The following LRP2BP variants were observed in gnomAD, a reference collection of about 807,000 sequenced individuals.
LRP2BP encodes LRP2-binding protein.
Under a neutral mutation model 45.2 loss-of-function variants are expected in LRP2BP, and 38 were observed. That is an observed-to-expected ratio of 0.84 (90% confidence interval 0.65 to 1.10). The LOEUF (loss-of-function observed/expected upper bound fraction) is 1.10. LRP2BP is among the 50% of genes least tolerant of loss of function. LRP2BP has a pLI of 0.00. For missense variants in LRP2BP, 385 were observed against 418.9 expected, an observed-to-expected ratio of 0.92 and a Z score of 0.71; for synonymous variants, 153 against 153.9, an observed-to-expected ratio of 0.99 and a Z score of 0.04.
intron 8 of LRP2BP, among the ~76,000 whole-genome samples, chr4:185,369,406 G>C (rs1337244894): frequency 6.6e-6 from 1 of 151,562 alleles, no homozygotes; most frequent in African/African-American, 2.4e-5. Flanking sequence ...AGTAGAGACA[G>C]GATTATTTAG....
intron 8 of LRP2BP, chr4:185,370,282 A>C: frequency 5.6e-6 from 1 of 177,056 alleles, no homozygotes; most frequent in Non-Finnish European, 1.2e-5. Flanking sequence ...TCTGTACTAG[A>C]ATAAAAAACT....
rs200643281 is a variant in LRP2BP at position 185,367,185 on chromosome 4, T to C, written c.1039A>G (p.Ile347Val). ...TTGTTGAAATACATTGTGGTCTAAA[T>C]TCTTTGACGAATAAGTAAGGAGTGA... ...ELHSLLIRQR[I>V] Residue 347 changes from isoleucine to valine, a missense_variant, in exon 9 of 9, where the codon ATT becomes GTT. Transcript: ENST00000505916. 8 of 1,612,506 alleles carry C rather than the reference T, an allele frequency of 5.0e-6. No homozygotes were observed. The highest frequency in any genetic ancestry group is 1.7e-4 in the Middle Eastern group (1 of 6,060).
intron 1 of LRP2BP, among the ~76,000 whole-genome samples, chr4:185,392,729 T>C (rs1253729140): frequency 6.6e-6 from 1 of 152,222 alleles, no homozygotes; most frequent in Non-Finnish European, 1.5e-5. Context: ...ATTATTGCCA[T>C]AATATCATTA....
At chr4:185,388,562 T>G (rs1033466956) in intron 1 of LRP2BP, among the ~76,000 whole-genome samples, 2 of 147,392 alleles carry the variant, frequency 1.4e-5, no homozygotes, top group Non-Finnish European at 3.0e-5. Context: ...AAACACAGGT[T>G]CGGTAAGAAT....
chr4:185,376,253 T>C (rs572814218), intron 3 of LRP2BP, among the ~76,000 whole-genome samples: 2 of 152,116 alleles, frequency 1.3e-5, no homozygotes, highest in African/African-American at 2.4e-5. Context: ...CTTCAATTAT[T>C]ATTAATATGA....
chr4:185,394,262 GTT>G (rs2095495966), intron 1 of LRP2BP, among the ~76,000 whole-genome samples: 1 of 39,704 alleles, frequency 2.5e-5, no homozygotes. Flanking sequence ...GTGTTTCAGA[GTT>G]AAAAAAAAAA....
At position 185,365,272 on chromosome 4, in the gene LRP2BP, A is replaced by G. The variant is rs2095382827; in HGVS notation, c.*1908T>C. The G allele has an allele frequency of 6.6e-6, 1 of 152,146 alleles. No homozygotes were observed. The highest frequency in any genetic ancestry group is 2.1e-4 in the South Asian group (1 of 4,830). The allele number at this position is 152,146 out of a possible 1,614,324, so 9.4% of individuals were successfully genotyped here. A position where few individuals can be genotyped will look rare whatever the true frequency, so the allele number is the denominator to read the frequency against. Reference sequence around the variant, plus strand: ...TGTATGGCACACGTCAAAGTTTATGATTTCTGAAACCCATCTTTAATGGCA... The same window carrying G: ...TGTATGGCACACGTCAAAGTTTATGGTTTCTGAAACCCATCTTTAATGGCA... On this transcript the variant is annotated 3_prime_UTR_variant, in exon 9 of 9. Transcript: ENST00000505916.
chr4:185,373,928 C>T (rs551187634), intron 6 of LRP2BP, among the ~76,000 whole-genome samples: 3 of 152,240 alleles, frequency 2.0e-5, no homozygotes, highest in South Asian at 4.1e-4. Flanking sequence ...AAAATACTCT[C>T]ACATTCATGG....
At chr4:185,382,353 C>CA (rs1342091244) in intron 1 of LRP2BP, among the ~76,000 whole-genome samples, 4 of 152,170 alleles carry the variant, frequency 2.6e-5, no homozygotes, top group Admixed American at 6.5e-5. Context: ...TGTGAGGATA[C>CA]ATGTTTTCAA....
chr4:185,393,661 G>A (rs1463598437), intron 1 of LRP2BP, among the ~76,000 whole-genome samples: 2 of 151,956 alleles, frequency 1.3e-5, no homozygotes, highest in African/African-American at 2.4e-5. Flanking sequence ...GAGTAACTGG[G>A]ATTACAGGCA....
At chr4:185,369,314 T>C (rs1262990125) in intron 8 of LRP2BP, among the ~76,000 whole-genome samples, 9 of 148,386 alleles carry the variant, frequency 6.1e-5, no homozygotes, top group Non-Finnish European at 1.2e-4. Flanking sequence ...TGCTCCCAGG[T>C]TGAAGCAATT....
upstream of LRP2BP, chr4:185,396,103 T>A (rs1368445446): frequency 6.3e-6 from 1 of 157,842 alleles, no homozygotes; most frequent in Non-Finnish European, 1.4e-5. Context: ...TGGACCAGCG[T>A]GACGACCCCA....
At chr4:185,396,995 C>G (rs779818036), upstream of LRP2BP, 4 of 1,612,554 alleles carry the variant, frequency 2.5e-6, no homozygotes, top group South Asian at 1.1e-5. Context: ...CCTGCAGGCT[C>G]AAGCTTCTAG....
At position 185,367,817 on chromosome 4, in the gene LRP2BP, T is replaced by C. The variant is rs2095395373; in HGVS notation, c.979-572A>G. 3.3e-5 allele frequency among the ~76,000 whole-genome samples: 5 copies of C among 152,132 alleles called. No individual in the cohort carries two copies. The South Asian group carries it at 1.0e-3, about 31-fold the overall frequency. ...GTAGCAGGAAGTTACACATTCTACA[T>C]ATGTAGAAGTTTTCACCTTCAGAGA... is the stretch of plus-strand genomic sequence containing the variant. On this transcript the variant is annotated intron_variant, in intron 8 of 8. Transcript: ENST00000505916.
chr4:185,382,140 C>T (rs773432425), intron 1 of LRP2BP, among the ~76,000 whole-genome samples: 4 of 152,082 alleles, frequency 2.6e-5, no homozygotes, highest in Non-Finnish European at 2.9e-5. Flanking sequence ...CCTTTTATGT[C>T]TGGCTTCTTT....
At chr4:185,392,229 C>T (rs766508817) in intron 1 of LRP2BP, among the ~76,000 whole-genome samples, 9 of 152,206 alleles carry the variant, frequency 5.9e-5, no homozygotes, top group Non-Finnish European at 8.8e-5. Context: ...CTTTCAAGTT[C>T]TCCAAGTTCT....
At chr4:185,392,071 TC>T (rs2095489689) in intron 1 of LRP2BP, among the ~76,000 whole-genome samples, 1 of 152,232 alleles carries the variant, frequency 6.6e-6, no homozygotes, top group Admixed American at 6.5e-5. Flanking sequence ...GAAACTTGGC[TC>T]CCTCCATCAA....
chr4:185,372,844 AAAGACATTCACCTTT>A lies in LRP2BP; in HGVS notation c.800_803+11del. On this transcript the variant is annotated splice_donor_variant and splice_donor_5th_base_variant and coding_sequence_variant and intron_variant, in exon 7 of 9. Transcript: ENST00000505916. LOFTEE classifies it high-confidence loss of function. ...TCTGTTACAGCAGCACAGAACAGAC[AAAGACATTCACCTTT>A]TGGAAAATGCAACACACTTTGTAAA... The A allele has an allele frequency of 6.3e-7, 1 of 1,585,336 alleles. No individual in the cohort carries two copies. The highest frequency in any genetic ancestry group is 1.1e-5 in the South Asian group (1 of 89,806).
At chr4:185,369,255 G>A (rs1232218953) in intron 8 of LRP2BP, among the ~76,000 whole-genome samples, 1 of 124,494 alleles carries the variant, frequency 8.0e-6, no homozygotes, top group African/African-American at 3.2e-5. Context: ...TTTTGAGACA[G>A]AGTCCCAGGC....
Sources: gnomAD v4.1 joint callset for allele counts (sites outside exome capture counted in the v4.1 genomes callset) on GRCh38, gnomAD v4.1.1 for gene constraint, MANE v1.5 for transcripts, NCBI Gene and HGNC (gene_info 2026-07-23, HGNC 2026-07-21) for gene names.